The following BRINP3 variants were observed in gnomAD, a reference collection of about 807,000 sequenced individuals.
The protein encoded by BRINP3 is BMP/retinoic acid inducible neural specific 3.
BRINP3 carries 19 observed loss-of-function variants against 71.0 expected under a neutral mutation model. The observed-to-expected ratio is 0.27, with a 90% confidence interval of 0.19 to 0.39. BRINP3 has a LOEUF of 0.39. Ranked by LOEUF, BRINP3 falls within the 10% of genes least tolerant of loss-of-function variation. The pLI is 1.00. For missense variants in BRINP3, 959 were observed against 940.8 expected (o/e 1.02, Z -0.25); for synonymous variants, 380 against 337.7 (o/e 1.13, Z -1.37).
intron 2 of BRINP3, among the ~76,000 whole-genome samples, chr1:190,282,249 T>A (rs1324573281): frequency 1.5e-5 from 2 of 133,050 alleles, no homozygotes; most frequent in Admixed American, 7.4e-5. Context: ...AGTTTTCTTC[T>A]TTTTTTTTTT....
chr1:190,332,944 A>AT lies in BRINP3; in HGVS notation c.237-51195dup, dbSNP rs543046745. Reference sequence around the variant, plus strand: ...CATGCATCTATGAACCCATATACCTATTTTTTAAGCTTTATTTCACATCTG... The same window carrying AT: ...CATGCATCTATGAACCCATATACCTATTTTTTTAAGCTTTATTTCACATCTG... On this transcript the variant is annotated intron_variant, in intron 2 of 7. Transcript: ENST00000367462. Among the ~76,000 whole-genome samples, 4 of 151,722 alleles carry AT rather than the reference A, an allele frequency of 2.6e-5. No homozygotes were observed. In the Admixed American group the frequency reaches 2.6e-4, roughly 10 times the overall value.
chr1:190,442,408 T>C (rs549768181), intron 2 of BRINP3, among the ~76,000 whole-genome samples: 2 of 152,294 alleles, frequency 1.3e-5, no homozygotes, highest in Admixed American at 6.5e-5. Flanking sequence ...GTTTAATTAG[T>C]TAGCTACTAA....
intron 2 of BRINP3, among the ~76,000 whole-genome samples, chr1:190,380,456 T>C (rs1355906324): frequency 3.3e-5 from 5 of 152,188 alleles, no homozygotes; most frequent in Non-Finnish European, 7.3e-5. Context: ...GGAATGGACG[T>C]CTGAAGGGAG....
chr1:190,158,728 A>C (rs1657085223), intron 7 of BRINP3, among the ~76,000 whole-genome samples: 1 of 152,022 alleles, frequency 6.6e-6, no homozygotes, highest in Non-Finnish European at 1.5e-5. Context: ...AACACACAGC[A>C]AAGAGGAAAA....
chr1:190,455,793 T>G (rs927290446), intron 1 of BRINP3, among the ~76,000 whole-genome samples: 6 of 152,172 alleles, frequency 3.9e-5, no homozygotes, highest in African/African-American at 1.4e-4. Context: ...ACTTTGAAAC[T>G]GCATACATTG....
At chr1:190,396,738 A>G (rs1263469390) in intron 2 of BRINP3, among the ~76,000 whole-genome samples, 1 of 144,512 alleles carries the variant, frequency 6.9e-6, no homozygotes, top group Non-Finnish European at 1.5e-5. Context: ...ATATATATAT[A>G]TGTAACTAAC....
At chr1:190,422,487 C>T (rs1673449823) in intron 2 of BRINP3, among the ~76,000 whole-genome samples, 1 of 151,780 alleles carries the variant, frequency 6.6e-6, no homozygotes, top group Non-Finnish European at 1.5e-5. Flanking sequence ...GACACCTGCT[C>T]TAGGGAAGTC....
At chr1:190,462,467 A>G (rs2102667295) in intron 1 of BRINP3, among the ~76,000 whole-genome samples, 1 of 152,284 alleles carries the variant, frequency 6.6e-6, no homozygotes, top group East Asian at 1.9e-4. Flanking sequence ...GAGAATTTAA[A>G]GAATAATAAT....
chr1:190,344,144 A>G (rs1667855537), intron 2 of BRINP3, among the ~76,000 whole-genome samples: 1 of 151,854 alleles, frequency 6.6e-6, no homozygotes. Flanking sequence ...ATCTTCTTCT[A>G]TTACTAATAT....
intron 2 of BRINP3, among the ~76,000 whole-genome samples, chr1:190,349,566 A>T (rs777192664): frequency 6.6e-6 from 1 of 152,192 alleles, no homozygotes; most frequent in African/African-American, 2.4e-5. Flanking sequence ...GGCATATAGA[A>T]GCTAATGTCT....
intron 7 of BRINP3, among the ~76,000 whole-genome samples, chr1:190,133,880 C>G (rs778387001): frequency 7.9e-5 from 12 of 151,918 alleles, no homozygotes; most frequent in Non-Finnish European, 1.8e-4. Flanking sequence ...AAAATGGTAA[C>G]TATGAAATGT....
At chr1:190,385,283 G>A (rs910394165) in intron 2 of BRINP3, among the ~76,000 whole-genome samples, 1 of 152,078 alleles carries the variant, frequency 6.6e-6, no homozygotes, top group Non-Finnish European at 1.5e-5. Flanking sequence ...TACCATCAGA[G>A]TGAACAGACA....
chr1:190,321,568 G>T (rs1666247349), intron 2 of BRINP3, among the ~76,000 whole-genome samples: 7 of 151,914 alleles, frequency 4.6e-5, no homozygotes, highest in Admixed American at 4.6e-4. Flanking sequence ...TAGCCAAAAG[G>T]TCTCTTGATT....
intron 7 of BRINP3, among the ~76,000 whole-genome samples, chr1:190,133,119 C>T (rs1224092095): frequency 6.6e-6 from 1 of 151,992 alleles, no homozygotes; most frequent in Admixed American, 6.6e-5. Context: ...ATCCTGACCC[C>T]CAGAAACTAT....
intron 2 of BRINP3, among the ~76,000 whole-genome samples, chr1:190,394,087 G>A (rs975869701): frequency 4.6e-5 from 7 of 151,422 alleles, no homozygotes; most frequent in Non-Finnish European, 1.0e-4. Context: ...TATCAGTTAG[G>A]TATGGGAAGT....
intron 2 of BRINP3, among the ~76,000 whole-genome samples, chr1:190,409,487 G>T (rs1672518938): frequency 6.6e-6 from 1 of 152,066 alleles, no homozygotes; most frequent in Non-Finnish European, 1.5e-5. Flanking sequence ...ACCTTGTAAA[G>T]GTTATTTTAC....
intron 2 of BRINP3, among the ~76,000 whole-genome samples, chr1:190,305,915 A>T (rs1665062863): frequency 6.6e-6 from 1 of 151,894 alleles, no homozygotes; most frequent in Admixed American, 6.6e-5. Context: ...AAATATGTAC[A>T]ATTATGTGTT....
chr1:190,146,783 ATTT>A (rs984497763), intron 7 of BRINP3, among the ~76,000 whole-genome samples: 1 of 152,006 alleles, frequency 6.6e-6, no homozygotes, highest in African/African-American at 2.4e-5. Context: ...TTAAAATATT[ATTT>A]ACTATATTTG....
chr1:190,232,429 A>C (rs1256625019), intron 5 of BRINP3, among the ~76,000 whole-genome samples: 3 of 152,076 alleles, frequency 2.0e-5, no homozygotes, highest in Non-Finnish European at 4.4e-5. Flanking sequence ...ATTAAATTTA[A>C]GAAAGAGTGC....
Sources: allele counts gnomAD v4.1 joint callset (sites outside exome capture counted in the v4.1 genomes callset), GRCh38; gene constraint gnomAD v4.1.1; transcripts MANE v1.5; gene names NCBI Gene and HGNC (gene_info 2026-07-23, HGNC 2026-07-21).